Variants in TATDN1 observed in about 807,000 individuals in gnomAD.
TATDN1 encodes TatD DNase domain containing 1.
TATDN1 carries 40 observed loss-of-function variants against 46.4 expected under a neutral mutation model. The ratio of observed to expected loss-of-function variants is 0.86; its 90% CI spans 0.67 to 1.12. The LOEUF (loss-of-function observed/expected upper bound fraction) is 1.12. Ranked by LOEUF, TATDN1 falls within the 50% of genes most tolerant of loss-of-function variation. TATDN1 has a pLI of 0.00. For missense variants in TATDN1, 326 were observed against 348.4 expected (o/e 0.94, Z 0.51); for synonymous variants, 95 against 105.6 (o/e 0.90, Z 0.62).
chr8:124,515,855 A>ATGTCACTCTAAGAGGCGAGGC (rs1464671365), intron 5 of TATDN1, 32 bp downstream of exon 5: 1 of 1,613,612 alleles, frequency 6.2e-7, no homozygotes, highest in Admixed American at 1.7e-5. Context: ...TTTTCAAACA[A>ATGTCACTCTAAGAGGCGAGGC]TGTCACTCTA....
At chr8:124,523,087 T>C in intron 1 of TATDN1, 85 bp from the exon 2 acceptor site, 1 of 1,204,106 alleles carries the variant, frequency 8.3e-7, no homozygotes, top group Admixed American at 1.9e-5. Flanking sequence ...TACTAAACTT[T>C]TTGTTCACAC....
intron 9 of TATDN1, among the ~76,000 whole-genome samples, chr8:124,500,971 T>C (rs1408182094): frequency 6.6e-6 from 1 of 151,874 alleles, no homozygotes; most frequent in East Asian, 1.9e-4. Flanking sequence ...GAAAGTGGAG[T>C]AAGGCAGGGA....
At chr8:124,489,177 C>A (rs1173645089) in intron 11 of TATDN1, 1 of 155,656 alleles carries the variant, frequency 6.4e-6, no homozygotes, top group Non-Finnish European at 1.4e-5. Context: ...AGTTGGAAAT[C>A]TACTGCTAGA....
In TATDN1 at chr8:124,522,936, C is replaced by A. The variant is rs1251401570; in HGVS notation, c.88+1G>T. 6.2e-7 allele frequency: 1 copy of A among 1,612,180 alleles called. No individual in the cohort carries two copies. On this transcript the variant is annotated splice_donor_variant, in intron 2 of 11. Coordinates refer to ENST00000276692, the MANE Select transcript of TATDN1 (RefSeq NM_032026.4). LOFTEE classifies it high-confidence loss of function. ...TTCGCCTTAATAAAGGAAATATTTA[C>A]CTTGATGCTTTTGAACCCCCCTATA...
chr8:124,523,131 C>T, intron 1 of TATDN1, 129 bp from the exon 2 acceptor site: 1 of 705,486 alleles, frequency 1.4e-6, no homozygotes, highest in Non-Finnish European at 2.4e-6. Context: ...AAGTGCCTAC[C>T]ACTTGTCAAC....
At chr8:124,491,234 CA>C in intron 11 of TATDN1, 1 of 152,300 alleles carries the variant, frequency 6.6e-6, no homozygotes, top group Admixed American at 6.5e-5. Flanking sequence ...AAAATCTAAG[CA>C]AAATGCTGGC....
chr8:124,512,183 G>C (rs1819080216), intron 6 of TATDN1, among the ~76,000 whole-genome samples: 1 of 152,124 alleles, frequency 6.6e-6, no homozygotes, highest in Non-Finnish European at 1.5e-5. Flanking sequence ...AGCACTTTGG[G>C]AGGCCGTGGT....
Position 124,539,047 on chromosome 8 carries a change from G to A in TATDN1, c.-1C>T, listed in dbSNP as rs377069580. ...TACCGATAAACTTGAAGCGACTCAT[G>A]ACTGCGCATGGAGGACCTCCCCAGC... is the stretch of plus-strand genomic sequence containing the variant. On this transcript the variant is annotated 5_prime_UTR_variant, in exon 1 of 12. Transcript: ENST00000276692. 2.5e-6 allele frequency: 4 copies of A among 1,613,870 alleles called. No homozygotes were observed. Among genetic ancestry groups the A allele is most frequent in the South Asian group, 2.2e-5 (2 of 91,082 alleles).
At chr8:124,519,888 TGCTGCGTAAGGGGC>T (rs1031577863) in intron 3 of TATDN1, among the ~76,000 whole-genome samples, 4 of 152,316 alleles carry the variant, frequency 2.6e-5, no homozygotes, top group African/African-American at 9.6e-5. Context: ...ACTGAAGCAG[TGCTGCGTAAGGGGC>T]GCCTTCTTCT....
chr8:124,520,930 G>T (rs1001358539), intron 3 of TATDN1, among the ~76,000 whole-genome samples: 1 of 136,490 alleles, frequency 7.3e-6, no homozygotes, highest in Admixed American at 7.7e-5. Flanking sequence ...GTGACAGAGC[G>T]AGACTCCGTC....
intron 1 of TATDN1, among the ~76,000 whole-genome samples, chr8:124,528,999 T>G (rs1820734566): frequency 6.6e-6 from 1 of 152,232 alleles, no homozygotes; most frequent in African/African-American, 2.4e-5. Context: ...GATAAGCCCG[T>G]GCCTAGGCAA....
At chr8:124,532,482 C>T (rs1821051159) in intron 1 of TATDN1, among the ~76,000 whole-genome samples, 1 of 152,136 alleles carries the variant, frequency 6.6e-6, no homozygotes, top group Admixed American at 6.5e-5. Flanking sequence ...CGAGGTTTCA[C>T]CATGTTGGTC....
chr8:124,522,621 G>T (rs953575144), intron 2 of TATDN1, among the ~76,000 whole-genome samples: 4 of 152,126 alleles, frequency 2.6e-5, no homozygotes, highest in African/African-American at 9.7e-5. Flanking sequence ...GTTTCACCAT[G>T]TTGGCCAGGC....
intron 1 of TATDN1, chr8:124,523,374 C>T (rs1472359458): frequency 5.0e-6 from 1 of 199,116 alleles, no homozygotes; most frequent in Non-Finnish European, 1.0e-5. Context: ...GGATGAGTGA[C>T]TGTTATCCAG....
intron 4 of TATDN1, among the ~76,000 whole-genome samples, chr8:124,517,708 T>G (rs544184376): frequency 6.6e-6 from 1 of 152,314 alleles, no homozygotes; most frequent in Non-Finnish European, 1.5e-5. Flanking sequence ...TTTAAGATTT[T>G]AAACAAATGC....
chr8:124,535,325 T>C, intron 1 of TATDN1, among the ~76,000 whole-genome samples: 1 of 152,224 alleles, frequency 6.6e-6, no homozygotes, highest in East Asian at 1.9e-4. Context: ...GTTGAATAGC[T>C]GCAATAGAGA....
chr8:124,488,689 A>G lies in TATDN1; in HGVS notation c.799T>C (p.Leu267=), dbSNP rs751332936. 6.3e-6 allele frequency: 10 copies of G among 1,594,634 alleles called. No individual in the cohort carries two copies. In the African/African-American group the frequency reaches 6.7e-5, roughly 11 times the overall value. ...RNEPCHIIQI[L]EIMSAVRDED... is the part of the protein sequence containing the mutation. ...TCTCTCACTGCTGACATTATCTCCA[A>G]TATTTGACTAAAACAAAACAAAAAC... The change falls in exon 12 of 12, where the codon TTG becomes CTG. Residue 267 remains leucine, a synonymous_variant. Transcript: ENST00000276692.
intron 10 of TATDN1, chr8:124,494,723 ATTT>A (rs34109803): frequency 5.8e-5 from 8 of 137,950 alleles, no homozygotes; most frequent in East Asian, 2.1e-4. Flanking sequence ...AATTTTTTGT[ATTT>A]TTTTTTTTTT....
At chr8:124,528,206 C>T (rs1034084608) in intron 1 of TATDN1, among the ~76,000 whole-genome samples, 6 of 151,942 alleles carry the variant, frequency 3.9e-5, no homozygotes, top group African/African-American at 1.5e-4. Context: ...TGGAGTCTCG[C>T]TCTGTCACCC....
Sources: gnomAD v4.1 joint callset for allele counts (sites outside exome capture counted in the v4.1 genomes callset) on GRCh38, gnomAD v4.1.1 for gene constraint, MANE v1.5 for transcripts, NCBI Gene and HGNC (gene_info 2026-07-23, HGNC 2026-07-21) for gene names.